TRIM23: variants seen among roughly 807,000 people sequenced by gnomAD.
TRIM23 encodes tripartite motif containing 23, also known as E3 ubiquitin-protein ligase TRIM23.
A neutral mutation model predicts 71.0 loss-of-function variants in TRIM23; 27 were observed. The observed-to-expected ratio is 0.38, with a 90% confidence interval of 0.28 to 0.52. TRIM23 has a LOEUF of 0.52. Ranked by LOEUF, TRIM23 falls within the 20% of genes least tolerant of loss-of-function variation. The pLI is 0.84. For synonymous variants in TRIM23, 234 were observed against 238.0 expected (o/e 0.98, Z 0.16); for missense variants, 482 against 692.3 (o/e 0.70, Z 3.41).
At chr5:65,604,842 T>C (rs1754455512) in intron 7 of TRIM23, 69 bp downstream of exon 7, 3 of 1,444,598 alleles carry the variant, frequency 2.1e-6, no homozygotes, top group Middle Eastern at 1.8e-4. Flanking sequence ...TTTAAGGTGA[T>C]TATCATGAAA....
At position 65,590,025 on chromosome 5, in the gene TRIM23, A is replaced by G. The variant is rs1753975836; in HGVS notation, c.*1744T>C. ...GAATCACACACAAACACCTACCATT[A>G]TACATACATTATAATCAGGCACAAT... On this transcript the variant is annotated 3_prime_UTR_variant, in exon 11 of 11. Transcript: ENST00000231524. 6.4e-6 allele frequency: 2 copies of G among 310,822 alleles called. No homozygotes were observed. Among genetic ancestry groups the G allele is most frequent in the Non-Finnish European group, 6.1e-6 (1 of 162,674 alleles). 19.3% of individuals were successfully genotyped at this position (310,822 alleles called of 1,614,324 possible). A position where few individuals can be genotyped will look rare whatever the true frequency, so the allele number is the denominator to read the frequency against.
chr5:65,618,182 C>G lies in TRIM23; in HGVS notation c.155G>C (p.Gly52Ala). ...GAGACAGTCATGACAGACGGTATGGCCACAAAGCAAAAGACGGGGAACTTT... is the reference window on the plus strand; with the variant it reads ...GAGACAGTCATGACAGACGGTATGGGCACAAAGCAAAAGACGGGGAACTTT... ...GDKVPRLLLCGHTVCHDCLTR... is the reference protein window; with the variant it reads ...GDKVPRLLLCAHTVCHDCLTR... The change falls in exon 2 of 11, where the codon GGC (glycine) becomes GCC (alanine). Residue 52 changes from glycine (G) to alanine (A), a missense_variant. Transcript: ENST00000231524. 3 of 1,614,042 alleles carry G rather than the reference C, an allele frequency of 1.9e-6. No individual in the cohort carries two copies. Among genetic ancestry groups the G allele is most frequent in the Non-Finnish European group, 2.5e-6 (3 of 1,179,968 alleles).
chr5:65,617,981 C>T, intron 2 of TRIM23, 112 bp downstream of exon 2: 1 of 1,206,242 alleles, frequency 8.3e-7, no homozygotes, highest in Non-Finnish European at 1.1e-6. Context: ...CTTTCTGAAA[C>T]TTTCTGGGAA....
intron 8 of TRIM23, 52 bp from the exon 9 acceptor site, chr5:65,596,583 G>T: frequency 9.1e-7 from 1 of 1,104,822 alleles, no homozygotes; most frequent in South Asian, 1.4e-5. Context: ...TACAATGAAT[G>T]ACATATCAAA....
Position 65,591,447 on chromosome 5 carries a change from C to A in TRIM23, c.*322G>T. 6.3e-7 allele frequency: 1 copy of A among 1,594,984 alleles called. No homozygotes were observed. Among genetic ancestry groups the A allele is most frequent in the Non-Finnish European group, 8.5e-7 (1 of 1,171,786 alleles). ...CACTGAAAGAATAAACCTTCACTTA[C>A]CCTTTCTCTGTGACTACCTCTTTCC... On this transcript the variant is annotated 3_prime_UTR_variant, in exon 11 of 11. Transcript: ENST00000231524.
intron 1 of TRIM23, among the ~76,000 whole-genome samples, chr5:65,622,267 G>A (rs1318180310): frequency 2.0e-5 from 3 of 152,204 alleles, no homozygotes; most frequent in East Asian, 3.8e-4. Context: ...CTGGGTTCAA[G>A]TGATTCTCCT....
intron 7 of TRIM23, among the ~76,000 whole-genome samples, chr5:65,600,622 TAAA>T (rs34809421): frequency 2.9e-5 from 3 of 102,322 alleles, no homozygotes; most frequent in African/African-American, 7.1e-5. Flanking sequence ...AAAAGCACAG[TAAA>T]AAAAAAAAAA....
In TRIM23 at chr5:65,596,598, G is replaced by A. The variant is rs1754212665; in HGVS notation, c.1310-67C>T. 14 of 933,072 alleles carry A rather than the reference G, an allele frequency of 1.5e-5. No homozygotes were observed. In the South Asian group the frequency reaches 1.9e-4, roughly 13 times the overall value. 57.8% of individuals were successfully genotyped at this position (933,072 alleles called of 1,614,324 possible). On this transcript the variant is annotated intron_variant, in intron 8 of 10. Transcript: ENST00000231524. ...TACAATGAATGACATATCAAACACAGACAACCCCCAGTTTATAACTGTGAC... is the reference window on the plus strand; with the variant it reads ...TACAATGAATGACATATCAAACACAAACAACCCCCAGTTTATAACTGTGAC...
At chr5:65,598,204 C>T (rs542169661) in intron 7 of TRIM23, among the ~76,000 whole-genome samples, 231 of 152,258 alleles carry the variant, frequency 1.5e-3, no homozygotes, top group Non-Finnish European at 2.8e-3. Flanking sequence ...GGCTCCAAAT[C>T]TATACTTAAG....
intron 2 of TRIM23, among the ~76,000 whole-genome samples, chr5:65,615,235 T>A (rs905939314): frequency 3.9e-5 from 6 of 152,172 alleles, no homozygotes; most frequent in African/African-American, 1.4e-4. Context: ...CAAGTCCTAT[T>A]TTGTCATTGA....
chr5:65,600,195 C>T (rs1030136716), intron 7 of TRIM23, among the ~76,000 whole-genome samples: 1 of 152,158 alleles, frequency 6.6e-6, no homozygotes, highest in African/African-American at 2.4e-5. Flanking sequence ...ATCCAGTCAC[C>T]TCCAACCAGG....
chr5:65,604,648 C>T (rs1359327143), intron 7 of TRIM23: 1 of 281,230 alleles, frequency 3.6e-6, no homozygotes, highest in Non-Finnish European at 6.5e-6. Context: ...CTTATTTTTA[C>T]TTTTTTAAAT....
chr5:65,611,215 G>A (rs1233048416), intron 4 of TRIM23, among the ~76,000 whole-genome samples, 172 bp from the exon 5 acceptor site: 1 of 152,146 alleles, frequency 6.6e-6, no homozygotes, highest in East Asian at 1.9e-4. Context: ...CTGCAAAGAA[G>A]TAATTTAAAA....
chr5:65,599,350 T>C (rs1426711986), intron 7 of TRIM23, among the ~76,000 whole-genome samples: 2 of 152,212 alleles, frequency 1.3e-5, no homozygotes, highest in African/African-American at 2.4e-5. Flanking sequence ...TTTTATAGTT[T>C]ATGACTAAAG....
chr5:65,613,940 G>A (rs777315366), intron 3 of TRIM23, 158 bp downstream of exon 3: 126 of 1,519,642 alleles, frequency 8.3e-5, no homozygotes, highest in Non-Finnish European at 1.1e-4. Flanking sequence ...TTTTTCTCTT[G>A]GGAATAGTGT....
In TRIM23 at chr5:65,624,319, C is replaced by T. The variant is rs1351281778; in HGVS notation, c.-45G>A. ...CAGAAACAGCCTTCAGAGTCCTCAA[C>T]TGAGAGGCGGGGTTGAGCCACCTAC... On this transcript the variant is annotated 5_prime_UTR_variant, in exon 1 of 11. Coordinates refer to ENST00000231524, the MANE Select transcript of TRIM23 (RefSeq NM_001656.4). 2.3e-5 allele frequency: 37 copies of T among 1,605,494 alleles called. No homozygotes were observed. The highest frequency in any genetic ancestry group is 3.1e-5 in the Non-Finnish European group (36 of 1,176,788).
At chr5:65,599,488 T>C (rs538493602) in intron 7 of TRIM23, among the ~76,000 whole-genome samples, 1 of 152,218 alleles carries the variant, frequency 6.6e-6, no homozygotes, top group African/African-American at 2.4e-5. Context: ...GTACTTTTAA[T>C]GGCAAAAACC....
rs749387321 is a variant in TRIM23, at chr5:65,594,653, A to G, written c.1421-8T>C. On this transcript the variant is annotated splice_region_variant and splice_polypyrimidine_tract_variant and intron_variant, in intron 9 of 10. Transcript: ENST00000231524. ...CTACAACAAACACAACAGCTACCCA[A>G]AAAAAAATAAAAAAAACAAAAATAG... 2.7e-6 allele frequency: 4 copies of G among 1,470,632 alleles called. No homozygotes were observed. In the East Asian group the frequency reaches 9.7e-5, roughly 36 times the overall value. The allele number at this position is 1,470,632 out of a possible 1,614,324, so 91.1% of individuals were successfully genotyped here.
At chr5:65,615,569 A>C (rs1221013275) in intron 2 of TRIM23, among the ~76,000 whole-genome samples, 1 of 152,102 alleles carries the variant, frequency 6.6e-6, no homozygotes, top group East Asian at 1.9e-4. Flanking sequence ...CTCCCAAAAA[A>C]ACTGGACTGA....
Sources: gnomAD v4.1 joint callset for allele counts (sites outside exome capture counted in the v4.1 genomes callset) on GRCh38, gnomAD v4.1.1 for gene constraint, MANE v1.5 for transcripts, NCBI Gene and HGNC (gene_info 2026-07-23, HGNC 2026-07-21) for gene names.